The following AANAT variants were observed in gnomAD, a reference collection of about 807,000 sequenced individuals.
AANAT encodes the protein aralkylamine N-acetyltransferase.
AANAT carries 11 observed loss-of-function variants against 15.6 expected under a neutral mutation model. That is an observed-to-expected ratio of 0.71 (90% CI 0.44 to 1.17). AANAT has a LOEUF of 1.17. Among genes scored for constraint, AANAT ranks in the 50% most tolerant of loss-of-function variants. The pLI is 0.00. For missense variants in AANAT, 286 were observed against 296.3 expected, an observed-to-expected ratio of 0.97 and a Z score of 0.26; for synonymous variants, 139 against 131.5, an observed-to-expected ratio of 1.06 and a Z score of -0.39.
upstream of AANAT, chr17:76,467,526 C>T (rs1291744063): frequency 2.6e-5 from 26 of 985,208 alleles, no homozygotes; most frequent in Admixed American, 6.1e-5. Flanking sequence ...GCCCTGCTGG[C>T]GTCATCCTGC....
At position 76,469,531 on chromosome 17, in the gene AANAT, G is replaced by A. The variant is rs1236364296; in HGVS notation, c.319-134G>A. The stretch of plus-strand genomic sequence containing the variant: ...GTTGGGGGTATGGCTCCCAATTTGG[G>A]GCCCTCCTTTGCTGGGGTGGGTGCC... On this transcript the variant is annotated intron_variant, in intron 3 of 3. Transcript: ENST00000392492. This position sits in a 1 kb window ranked among gnomAD's most constrained non-coding sequence, Gnocchi z 5.2. The A allele has an allele frequency of 1.1e-5, 14 of 1,238,736 alleles. No homozygotes were observed. The Admixed American group carries it at 1.5e-4, about 13-fold the overall frequency. The allele number at this position is 1,238,736 out of a possible 1,614,324, so 76.7% of individuals were successfully genotyped here. A position where few individuals can be genotyped will look rare whatever the true frequency, so the allele number is the denominator to read the frequency against.
chr17:76,460,685 TC>T (rs1364041706), intron 2 of AANAT, among the ~76,000 whole-genome samples: 1 of 152,156 alleles, frequency 6.6e-6, no homozygotes, highest in Non-Finnish European at 1.5e-5. Context: ...GCAGTTTGGC[TC>T]CATTACTTGG....
At chr17:76,461,035 T>C (rs868348644) in intron 2 of AANAT, among the ~76,000 whole-genome samples, 6 of 151,362 alleles carry the variant, frequency 4.0e-5, no homozygotes, top group Non-Finnish European at 7.4e-5. Flanking sequence ...CGTGGTGGCA[T>C]GTGCCTGTAA....
upstream of AANAT, among the ~76,000 whole-genome samples, chr17:76,466,640 C>T (rs1457611990): frequency 6.6e-6 from 1 of 152,196 alleles, no homozygotes; most frequent in East Asian, 1.9e-4. Context: ...CCGGCTTTGC[C>T]CCTCCCCCTT....
intron 2 of AANAT, among the ~76,000 whole-genome samples, chr17:76,460,129 AATTTTTTTTTTTT>A (rs1199636312): frequency 3.6e-5 from 3 of 82,926 alleles, no homozygotes; most frequent in African/African-American, 1.5e-4. Flanking sequence ...TACTTCAGGA[AATTTTTTTTTTTT>A]TTTTTTTTTT....
upstream of AANAT, chr17:76,466,094 A>G: frequency 1.3e-5 from 17 of 1,296,394 alleles, no homozygotes; most frequent in Non-Finnish European, 1.8e-5. Flanking sequence ...GAAGTCAGCA[A>G]AGAGAGAGGC....
intron 1 of AANAT, chr17:76,459,148 A>C (rs2143963736): frequency 6.6e-6 from 1 of 152,368 alleles, no homozygotes. Flanking sequence ...GTTGCAATCC[A>C]CTGGGCAAAA....
At chr17:76,462,906 G>A (rs910432085), upstream of AANAT, among the ~76,000 whole-genome samples, 3 of 152,216 alleles carry the variant, frequency 2.0e-5, no homozygotes, top group Admixed American at 1.3e-4. Flanking sequence ...CAGAGGCATC[G>A]TCAAGGTGTC....
chr17:76,469,716 C>T lies in AANAT; in HGVS notation c.370C>T (p.Leu124=), dbSNP rs1253473473. Residue 124 remains leucine, a synonymous_variant, in exon 4 of 4, where the codon CTG becomes TTG. Transcript: ENST00000392492. This position sits in a 1 kb window ranked among gnomAD's most constrained non-coding sequence, Gnocchi z 5.2. ...GGGCCACATAGCCCACCTGCATGTGCTGGCCGTGCACCGCGCCTTCCGGCA... is the reference window on the plus strand; with the variant it reads ...GGGCCACATAGCCCACCTGCATGTGTTGGCCGTGCACCGCGCCTTCCGGCA... The part of the protein sequence containing the change: ...SGGHIAHLHV[L]AVHRAFRQQG... 2 of 1,539,542 alleles carry T rather than the reference C, an allele frequency of 1.3e-6. No individual in the cohort carries two copies. Among genetic ancestry groups the T allele is most frequent in the Middle Eastern group, 1.8e-4 (1 of 5,416 alleles).
At chr17:76,465,833 C>T (rs568027872), upstream of AANAT, 13 of 300,232 alleles carry the variant, frequency 4.3e-5, no homozygotes, top group African/African-American at 6.7e-5. Flanking sequence ...TTTAACATAC[C>T]GCCTCATCTT....
intron 1 of AANAT, among the ~76,000 whole-genome samples, chr17:76,456,631 A>G (rs1206810808): frequency 6.6e-6 from 1 of 152,046 alleles, no homozygotes; most frequent in Non-Finnish European, 1.5e-5. Flanking sequence ...GCAGGTCCCT[A>G]CTCCCTCTCC....
chr17:76,459,598 A>C (rs939141716), intron 2 of AANAT, among the ~76,000 whole-genome samples: 2 of 151,982 alleles, frequency 1.3e-5, no homozygotes, highest in Non-Finnish European at 2.9e-5. Flanking sequence ...AGATGTGGGG[A>C]GGTGGGAGGT....
chr17:76,455,700 T>C (rs1371688125), intron 1 of AANAT, among the ~76,000 whole-genome samples: 3 of 152,198 alleles, frequency 2.0e-5, no homozygotes, highest in African/African-American at 7.2e-5. Context: ...TACAGGATCC[T>C]GAAGATACAG....
intron 1 of AANAT, among the ~76,000 whole-genome samples, chr17:76,458,700 A>C (rs2073360874): frequency 6.6e-6 from 1 of 151,828 alleles, no homozygotes; most frequent in South Asian, 2.1e-4. Flanking sequence ...CCACTGGAGC[A>C]CCTCTCTGGA....
rs1363452372 is a variant in AANAT, at chr17:76,469,813, C to T, written c.467C>T (p.Ala156Val). Residue 156 changes from alanine (A) to valine (V), a missense_variant, in exon 4 of 4, where the codon GCC becomes GTC. Physicochemically the swap from Ala to Val is moderately conservative, Grantham distance 64 (BLOSUM62 0). Transcript: ENST00000392492. The surrounding 1 kb of genome is among the most constrained non-coding windows in gnomAD (Gnocchi z 5.2). ...HLGSQPAVRR[A>V]ALMCEDALVP... is the part of the protein sequence containing the mutation. ...GGCAGCCAGCCGGCCGTGCGCCGGG[C>T]CGCGCTCATGTGCGAGGACGCGCTG... 1 of 1,603,860 alleles carries T rather than the reference C, an allele frequency of 6.2e-7. No homozygotes were observed. The highest frequency in any genetic ancestry group is 1.1e-5 in the South Asian group (1 of 89,448).
chr17:76,463,209 C>T (rs768145962), upstream of AANAT, among the ~76,000 whole-genome samples: 4 of 152,026 alleles, frequency 2.6e-5, no homozygotes, highest in Non-Finnish European at 5.9e-5. Flanking sequence ...GTCAGTGTGC[C>T]TTTAATCAAC....
Position 76,469,543 on chromosome 17 carries a change from C to T in AANAT, c.319-122C>T. ...GCTCCCAATTTGGGGCCCTCCTTTGCTGGGGTGGGTGCCCTGACCACAGGC... is the reference window on the plus strand; with the variant it reads ...GCTCCCAATTTGGGGCCCTCCTTTGTTGGGGTGGGTGCCCTGACCACAGGC... On this transcript the variant is annotated intron_variant, in intron 3 of 3. Coordinates refer to ENST00000392492, the MANE Select transcript of AANAT (RefSeq NM_001088.3). This position sits in a 1 kb window ranked among gnomAD's most constrained non-coding sequence, Gnocchi z 5.2. 2.3e-6 allele frequency: 3 copies of T among 1,283,880 alleles called. No individual in the cohort carries two copies. Among genetic ancestry groups the T allele is most frequent in the Non-Finnish European group, 3.1e-6 (3 of 963,206 alleles). The allele number at this position is 1,283,880 out of a possible 1,614,324, so 79.5% of individuals were successfully genotyped here. A position where few individuals can be genotyped will look rare whatever the true frequency, so the allele number is the denominator to read the frequency against.
upstream of AANAT, among the ~76,000 whole-genome samples, chr17:76,466,405 G>A (rs1191127234): frequency 6.6e-6 from 1 of 151,934 alleles, no homozygotes; most frequent in Non-Finnish European, 1.5e-5. Context: ...AATGCATGTG[G>A]TGGGTGGGCG....
rs2073489294 is a variant in AANAT at position 76,469,469 on chromosome 17, A to G, written c.318+142A>G. ...AGTACAGGCCACAGGCCCCTCCCAGAGCAAGACCTTCTGGGTCTTCAAGTT... is the reference window on the plus strand; with the variant it reads ...AGTACAGGCCACAGGCCCCTCCCAGGGCAAGACCTTCTGGGTCTTCAAGTT... On this transcript the variant is annotated intron_variant, in intron 3 of 3. Transcript: ENST00000392492. The surrounding 1 kb of genome is among the most constrained non-coding windows in gnomAD (Gnocchi z 5.2). The G allele has an allele frequency of 7.6e-7, 1 of 1,308,778 alleles. No homozygotes were observed. The highest frequency in any genetic ancestry group is 1.5e-5 in the African/African-American group (1 of 67,512). 81.1% of individuals were successfully genotyped at this position (1,308,778 alleles called of 1,614,324 possible).
Sources: gnomAD v4.1 joint callset for allele counts (sites outside exome capture counted in the v4.1 genomes callset) on GRCh38, gnomAD v4.1.1 for gene constraint, Gnocchi (gnomAD v3.1) non-coding constraint, MANE v1.5 for transcripts, NCBI Gene and HGNC (gene_info 2026-07-23, HGNC 2026-07-21) for gene names.